Variants in ATOSA observed in about 807,000 individuals in gnomAD.
ATOSA encodes the protein atos homolog A.
chr15:52,609,543 A>C, the ATOSA span: 1 of 1,613,734 alleles, frequency 6.2e-7, no homozygotes, highest in Non-Finnish European at 8.5e-7. Flanking sequence ...CATTAGAAAT[A>C]CAAGTTTCAC....
the ATOSA span, among the ~76,000 whole-genome samples, chr15:52,622,202 C>T: frequency 1.3e-5 from 2 of 152,266 alleles, no homozygotes; most frequent in South Asian, 4.1e-4. Flanking sequence ...TTTGTGAAGA[C>T]ACACACAGGT....
chr15:52,607,745 T>C, the ATOSA span, among the ~76,000 whole-genome samples: 4 of 152,224 alleles, frequency 2.6e-5, no homozygotes, highest in African/African-American at 9.6e-5. Context: ...TAATATGTAA[T>C]ATAACTGAAC....
At chr15:52,603,372 G>A in the ATOSA span, among the ~76,000 whole-genome samples, 1 of 152,154 alleles carries the variant, frequency 6.6e-6, no homozygotes, top group Non-Finnish European at 1.5e-5. Context: ...CTCATACACT[G>A]TTAGTGGGAA....
At chr15:52,662,704 A>G in the ATOSA span, among the ~76,000 whole-genome samples, 3 of 150,034 alleles carry the variant, frequency 2.0e-5, 1 homozygote, top group East Asian at 6.0e-4. Flanking sequence ...CGGGAGGCGG[A>G]GCTTGCAGTG....
the ATOSA span, among the ~76,000 whole-genome samples, chr15:52,662,944 G>T: frequency 6.6e-6 from 1 of 152,060 alleles, no homozygotes; most frequent in South Asian, 2.1e-4. Flanking sequence ...TGCATGTTGG[G>T]TAATTTTTAT....
At chr15:52,599,050 C>A in the ATOSA span, among the ~76,000 whole-genome samples, 1 of 152,204 alleles carries the variant, frequency 6.6e-6, no homozygotes, top group Non-Finnish European at 1.5e-5. Context: ...GTAAAGCCTG[C>A]AGAACTGTGA....
At chr15:52,705,313 C>G in the ATOSA span, among the ~76,000 whole-genome samples, 1 of 150,728 alleles carries the variant, frequency 6.6e-6, no homozygotes, top group Admixed American at 6.6e-5. Flanking sequence ...AATGAGAACA[C>G]ATGGACACAG....
At chr15:52,693,274 G>C in the ATOSA span, among the ~76,000 whole-genome samples, 1 of 152,100 alleles carries the variant, frequency 6.6e-6, no homozygotes, top group Non-Finnish European at 1.5e-5. Context: ...ACAAAAATTA[G>C]CTAGGCATGG....
the ATOSA span, among the ~76,000 whole-genome samples, chr15:52,662,415 C>T: frequency 6.6e-6 from 1 of 152,132 alleles, no homozygotes; most frequent in Non-Finnish European, 1.5e-5. Context: ...TTTGTTTTAA[C>T]ACACAGCTAT....
the ATOSA span, chr15:52,613,663 A>G: frequency 1.2e-6 from 2 of 1,612,482 alleles, no homozygotes; most frequent in Middle Eastern, 1.6e-4. Context: ...ATTCAACACA[A>G]GATTCTCACC....
At chr15:52,636,912 G>C in the ATOSA span, among the ~76,000 whole-genome samples, 1 of 152,048 alleles carries the variant, frequency 6.6e-6, no homozygotes, top group Non-Finnish European at 1.5e-5. Context: ...GGGAATTTGG[G>C]GATGCATGCT....
chr15:52,660,215 T>C, the ATOSA span, among the ~76,000 whole-genome samples: 1 of 152,182 alleles, frequency 6.6e-6, no homozygotes, highest in Non-Finnish European at 1.5e-5. Flanking sequence ...TGTGCCAACC[T>C]GTGACAGGTA....
the ATOSA span, chr15:52,593,851 T>C: frequency 3.9e-6 from 4 of 1,017,128 alleles, no homozygotes; most frequent in African/African-American, 1.6e-5. Context: ...AAAAGAAATA[T>C]ATTACTATGC....
the ATOSA span, among the ~76,000 whole-genome samples, chr15:52,612,065 A>T: frequency 6.6e-6 from 1 of 152,082 alleles, no homozygotes; most frequent in Non-Finnish European, 1.5e-5. Flanking sequence ...GCTCACTGCA[A>T]CCTCTGCCTC....
At chr15:52,595,888 C>CTGCTTGA in the ATOSA span, among the ~76,000 whole-genome samples, 14,273 of 152,084 alleles carry the variant, frequency 0.094, 1,000 homozygotes, top group East Asian at 0.35. Flanking sequence ...GGTGAGTAGA[C>CTGCTTGA]TGCTTGAGGC....
chr15:52,653,096 T>C, the ATOSA span, among the ~76,000 whole-genome samples: 1 of 152,222 alleles, frequency 6.6e-6, no homozygotes, highest in Non-Finnish European at 1.5e-5. Context: ...TTATCAGTGG[T>C]GGCTCTAGGA....
the ATOSA span, among the ~76,000 whole-genome samples, chr15:52,597,798 T>C: frequency 0.086 from 13,123 of 152,216 alleles, 954 homozygotes; most frequent in East Asian, 0.35. Context: ...GGGGCATATG[T>C]AAAATGTGAA....
chr15:52,672,528 T>G, the ATOSA span, among the ~76,000 whole-genome samples: 1 of 151,018 alleles, frequency 6.6e-6, no homozygotes, highest in Admixed American at 6.6e-5. Flanking sequence ...GTATTGTTAG[T>G]CTGAGTTTAA....
the ATOSA span, chr15:52,613,752 G>T: frequency 6.2e-7 from 1 of 1,613,860 alleles, no homozygotes; most frequent in Non-Finnish European, 8.5e-7. Context: ...AAAGCTTTCT[G>T]TTCGACCTTT....
Sources: allele counts gnomAD v4.1 joint callset (sites outside exome capture counted in the v4.1 genomes callset), GRCh38; gene constraint gnomAD v4.1.1; transcripts MANE v1.5; gene names NCBI Gene and HGNC (gene_info 2026-07-23, HGNC 2026-07-21).